Variants in STK10 observed in about 807,000 individuals in gnomAD.
STK10 encodes serine/threonine-protein kinase 10.
In STK10, 78 loss-of-function variants were observed where a neutral mutation model predicts 113.8. That is an observed-to-expected ratio of 0.69 (90% CI 0.57 to 0.83). The LOEUF (loss-of-function observed/expected upper bound fraction) is 0.83, where lower values mean the gene tolerates loss of function less well. Ranked by LOEUF, STK10 falls within the 40% of genes least tolerant of loss-of-function variation. The probability of loss-of-function intolerance (pLI) is 0.00; values close to 1 mark genes in which losing one functional copy is unlikely to be tolerated. For missense variants in STK10, 1,109 were observed against 1,280.1 expected, an observed-to-expected ratio of 0.87 and a Z score of 2.04; for synonymous variants, 465 against 494.7, an observed-to-expected ratio of 0.94 and a Z score of 0.80.
chr5:172,153,398 C>T (rs1018027083), intron 2 of STK10, among the ~76,000 whole-genome samples: 8 of 152,218 alleles, frequency 5.3e-5, no homozygotes, highest in African/African-American at 1.9e-4. Context: ...TTTTCTCCAA[C>T]TTGCACCATT....
chr5:172,169,406 G>A (rs75520153), intron 1 of STK10, among the ~76,000 whole-genome samples: 1,576 of 152,160 alleles, frequency 0.01, 33 homozygotes, highest in African/African-American at 0.035. Flanking sequence ...AGGAGTGAAC[G>A]GATGGGAGGT....
At chr5:172,077,822 C>T (rs17074276) in intron 12 of STK10, among the ~76,000 whole-genome samples, 23,585 of 151,608 alleles carry the variant, frequency 0.16, 1,956 homozygotes, top group African/African-American at 0.19. Context: ...CTGATTGGAT[C>T]GTAGGGAAAT....
At chr5:172,121,688 G>A (rs945475381) in intron 3 of STK10, among the ~76,000 whole-genome samples, 1 of 151,718 alleles carries the variant, frequency 6.6e-6, no homozygotes. Context: ...CCAGCCTGGG[G>A]AACAAGAGCA....
chr5:172,187,799 G>A lies in STK10; in HGVS notation c.156+88C>T. 1 of 1,540,428 alleles carries A rather than the reference G, an allele frequency of 6.5e-7. No individual in the cohort carries two copies. Among genetic ancestry groups the A allele is most frequent in the Non-Finnish European group, 8.8e-7 (1 of 1,142,190 alleles). The stretch of plus-strand genomic sequence containing the variant: ...TCAGCGCCGGGCAGCCCTCGGAGCC[G>A]GAGCCAGGCTGGCCGGGTCCGGCTC... On this transcript the variant is annotated intron_variant, in intron 1 of 18. Coordinates refer to ENST00000176763, the MANE Select transcript of STK10 (RefSeq NM_005990.4). This position sits in a 1 kb window ranked among gnomAD's most constrained non-coding sequence, Gnocchi z 4.6.
At chr5:172,060,267 C>T (rs778834313) in intron 14 of STK10, among the ~76,000 whole-genome samples, 3 of 152,110 alleles carry the variant, frequency 2.0e-5, no homozygotes, top group Admixed American at 6.5e-5. Flanking sequence ...ATTAGCCAAG[C>T]GTGGTAGCAC....
chr5:172,117,361 C>T (rs755215223), intron 4 of STK10, 120 bp downstream of exon 4: 13 of 1,109,390 alleles, frequency 1.2e-5, no homozygotes, highest in Non-Finnish European at 1.4e-5. Flanking sequence ...GCCAAGAGGG[C>T]GTAGGCGTGA....
chr5:172,088,777 C>A (rs1768626423), intron 10 of STK10, among the ~76,000 whole-genome samples: 3 of 152,130 alleles, frequency 2.0e-5, no homozygotes, highest in Admixed American at 2.0e-4. Context: ...TTTACCCCTG[C>A]CTAACTGGAA....
At chr5:172,181,223 G>T (rs574411374) in intron 1 of STK10, among the ~76,000 whole-genome samples, 1 of 152,224 alleles carries the variant, frequency 6.6e-6, no homozygotes, top group South Asian at 2.1e-4. Context: ...CCTACTTACC[G>T]CAGCATGTGC....
chr5:172,045,362 G>C (rs1767474370), intron 18 of STK10: 1 of 507,098 alleles, frequency 2.0e-6, no homozygotes, highest in East Asian at 5.3e-5. Context: ...GGAGAAGATG[G>C]AGAGAGACTG....
chr5:172,171,170 T>C (rs1770659366), intron 1 of STK10, among the ~76,000 whole-genome samples: 1 of 152,162 alleles, frequency 6.6e-6, no homozygotes, highest in African/African-American at 2.4e-5. Context: ...CTTAAAAATA[T>C]AATGGTACAA....
intron 12 of STK10, among the ~76,000 whole-genome samples, chr5:172,070,350 G>A (rs923680088): frequency 6.6e-6 from 1 of 151,460 alleles, no homozygotes; most frequent in East Asian, 1.9e-4. Context: ...AGATATGAGA[G>A]CCCCAAAACA....
chr5:172,088,511 G>A (rs897503024), intron 10 of STK10, among the ~76,000 whole-genome samples: 13 of 152,036 alleles, frequency 8.6e-5, no homozygotes, highest in African/African-American at 3.1e-4. Context: ...GCGACAGAGC[G>A]AGACTCCATC....
intron 3 of STK10, among the ~76,000 whole-genome samples, chr5:172,119,929 G>A (rs1220358731): frequency 6.6e-6 from 1 of 152,100 alleles, no homozygotes; most frequent in Non-Finnish European, 1.5e-5. Context: ...GAGCTTGCTG[G>A]GCAGCAGGGG....
intron 12 of STK10, among the ~76,000 whole-genome samples, chr5:172,070,978 C>T (rs888686019): frequency 4.0e-5 from 6 of 151,784 alleles, no homozygotes; most frequent in Non-Finnish European, 7.4e-5. Flanking sequence ...GAGGCTGAGG[C>T]GGGCAGATCA....
intron 8 of STK10, among the ~76,000 whole-genome samples, chr5:172,094,550 T>C (rs146934727): frequency 1.2e-3 from 179 of 152,054 alleles, no homozygotes; most frequent in African/African-American, 3.4e-3. Flanking sequence ...ACCCAGCTAA[T>C]TTTTGCATTT....
chr5:172,079,146 G>A (rs536492901), intron 12 of STK10, among the ~76,000 whole-genome samples: 22 of 152,288 alleles, frequency 1.4e-4, no homozygotes, highest in Admixed American at 2.6e-4. Context: ...GCACACTCCT[G>A]CCTGTGGCCC....
intron 1 of STK10, among the ~76,000 whole-genome samples, chr5:172,165,044 A>T (rs1218471708): frequency 2.0e-5 from 3 of 152,012 alleles, no homozygotes; most frequent in Non-Finnish European, 4.4e-5. Flanking sequence ...GGAGGTGGGG[A>T]TAACCCTCCC....
Position 172,090,347 on chromosome 5 carries a change from T to G in STK10, c.1570A>C (p.Lys524Gln). The G allele has an allele frequency of 6.2e-7, 1 of 1,613,916 alleles. No individual in the cohort carries two copies. The highest frequency in any genetic ancestry group is 2.2e-5 in the East Asian group (1 of 44,860). ...SLSIKDPKLY[K>Q]KTLKRTRKFV... Reference sequence around the variant, plus strand: ...TTGCGTGTCCGCTTGAGGGTTTTTTTGTACAGTTTCGGGTCCTGGCCAGGG... The same window carrying G: ...TTGCGTGTCCGCTTGAGGGTTTTTTGGTACAGTTTCGGGTCCTGGCCAGGG... The change falls in exon 10 of 19, where the codon AAA (lysine) becomes CAA (glutamine). Residue 524 changes from lysine (K) to glutamine (Q), a missense_variant. Physicochemically the swap from Lys to Gln is moderately conservative, Grantham distance 53. This residue lies in a region of STK10 where 885 missense variants were observed against 991.1 expected (regional missense o/e 0.89). Coordinates refer to ENST00000176763, the MANE Select transcript of STK10 (RefSeq NM_005990.4).
At chr5:172,083,607 C>T (rs1253587829) in intron 10 of STK10, among the ~76,000 whole-genome samples, 1 of 152,096 alleles carries the variant, frequency 6.6e-6, no homozygotes, top group Non-Finnish European at 1.5e-5. Flanking sequence ...ATGCACAAAA[C>T]CACTGAATAA....
Sources: allele counts gnomAD v4.1 joint callset (sites outside exome capture counted in the v4.1 genomes callset), GRCh38; gene constraint gnomAD v4.1.1; regional missense constraint gnomAD v4.1.1; non-coding constraint Gnocchi (gnomAD v3.1); transcripts MANE v1.5; gene names NCBI Gene and HGNC (gene_info 2026-07-23, HGNC 2026-07-21).